RYR1: variants seen among roughly 807,000 people sequenced by gnomAD.
The protein encoded by RYR1 is central core disease of muscle.
RYR1 carries 342 observed loss-of-function variants against 583.5 expected under a neutral mutation model. The observed-to-expected ratio is 0.59, with a 90% confidence interval of 0.54 to 0.64. RYR1 has a LOEUF of 0.64. RYR1 is among the 30% of genes least tolerant of loss of function. The pLI, the probability that RYR1 is intolerant of heterozygous loss-of-function variation, is 0.00. For missense variants in RYR1, 6,032 were observed against 6,917.2 expected, an observed-to-expected ratio of 0.87 and a Z score of 4.54; for synonymous variants, 2,791 against 2,822.5, an observed-to-expected ratio of 0.99 and a Z score of 0.35.
chr19:38,524,315 C>T (rs1193856313), intron 70 of RYR1, among the ~76,000 whole-genome samples: 7 of 102 alleles, frequency 0.069, no homozygotes, highest in Non-Finnish European at 0.11. Context: ...GCACCCTCGC[C>T]GTGGATGGTT....
intron 89 of RYR1, among the ~76,000 whole-genome samples, chr19:38,555,469 A>ATGTGTGTGTGCGCACGTGTGTGTG (rs1568569519): frequency 4.6e-5 from 7 of 150,786 alleles, no homozygotes; most frequent in Non-Finnish European, 1.0e-4. Context: ...AAAAAAATGC[A>ATGTGTGTGTGCGCACGTGTGTGTG]TGTGTGTGTG....
chr19:38,545,219 G>T (rs1972373195), intron 87 of RYR1, among the ~76,000 whole-genome samples: 1 of 152,178 alleles, frequency 6.6e-6, no homozygotes, highest in African/African-American at 2.4e-5. Context: ...GGTAGGGTTA[G>T]CCCCATGTGC....
chr19:38,570,824 G>T, intron 94 of RYR1, 131 bp downstream of exon 94: 1 of 791,854 alleles, frequency 1.3e-6, no homozygotes. Flanking sequence ...CGTTAGGAGG[G>T]TTCAGGCTGG....
At position 38,585,948 on chromosome 19, in the gene RYR1, C is replaced by T. The variant is rs118192159; in HGVS notation, c.14814C>T (p.Ile4938=). The change falls in exon 103 of 106, where the codon ATC becomes ATT. Residue 4938 remains isoleucine, a synonymous_variant. Coordinates refer to ENST00000359596, the MANE Select transcript of RYR1 (RefSeq NM_000540.3). ...GTCCTGCCACCCCAGGTCTGATCAT[C>T]GACGCTTTTGGTGAGCTCCGAGACC... ...ILLAIIQGLI[I]DAFGELRDQQ... 65 of 1,613,874 alleles carry T rather than the reference C, an allele frequency of 4.0e-5. No individual in the cohort carries two copies. The East Asian group carries it at 5.6e-4, about 14-fold the overall frequency.
At chr19:38,580,344 C>G in intron 100 of RYR1, 26 bp from the exon 101 acceptor site, 1 of 1,613,360 alleles carries the variant, frequency 6.2e-7, no homozygotes, top group South Asian at 1.1e-5. Context: ...CAGGGCGGAG[C>G]TGACCTGGCC....
intron 83 of RYR1, chr19:38,537,206 G>A (rs1972010198): frequency 3.9e-6 from 1 of 258,704 alleles, no homozygotes; most frequent in Non-Finnish European, 7.5e-6. Flanking sequence ...GTTGCCTCCG[G>A]CATCCACTCT....
At chr19:38,488,541 A>G (rs1969402766) in intron 34 of RYR1, among the ~76,000 whole-genome samples, 1 of 152,144 alleles carries the variant, frequency 6.6e-6, no homozygotes, top group Non-Finnish European at 1.5e-5. Flanking sequence ...TCCGTCTGTC[A>G]TGCAGGCTGG....
Position 38,505,006 on chromosome 19 carries a change from G to C in RYR1, c.8235G>C (p.Val2745=). 6.2e-7 allele frequency: 1 copy of C among 1,614,158 alleles called. No individual in the cohort carries two copies. Among genetic ancestry groups the C allele is most frequent in the Non-Finnish European group, 8.5e-7 (1 of 1,180,026 alleles). ...GCTGACCCTGTGCCCCCAACAGTGT[G>C]ATCATCCCGGAGAAGCTGGACTCCT... ...FDPRPVETLN[V]IIPEKLDSFI... The change falls in exon 52 of 106, where the codon GTG becomes GTC. Residue 2745 remains valine, a synonymous_variant. Coordinates refer to ENST00000359596, the MANE Select transcript of RYR1 (RefSeq NM_000540.3).
Position 38,433,885 on chromosome 19 carries a change from C to G in RYR1, c.45+11C>G. Reference sequence around the variant, plus strand: ...CAGTTCCTGCGGACGGTGCGTATCTCTGGGTTAGGGGCCTGTGGGGCTATC... The same window carrying G: ...CAGTTCCTGCGGACGGTGCGTATCTGTGGGTTAGGGGCCTGTGGGGCTATC... On this transcript the variant is annotated intron_variant, in intron 1 of 105. Coordinates refer to ENST00000359596, the MANE Select transcript of RYR1 (RefSeq NM_000540.3). The G allele has an allele frequency of 6.2e-7, 1 of 1,612,512 alleles. No homozygotes were observed. The highest frequency in any genetic ancestry group is 8.5e-7 in the Non-Finnish European group (1 of 1,178,600).
Position 38,506,958 on chromosome 19 carries a change from C to T in RYR1, c.8816+6C>T, listed in dbSNP as rs770151836. ...AATGGCTACGCGGTTACAAGGCACG[C>T]GGGTTGGGGCTCCCGCGGAAGAGCA... On this transcript the variant is annotated splice_donor_region_variant and intron_variant, in intron 57 of 105. Transcript: ENST00000359596. The T allele has an allele frequency of 9.9e-6, 16 of 1,612,232 alleles. No homozygotes were observed. The East Asian group carries it at 1.6e-4, about 16-fold the overall frequency.
Position 38,566,835 on chromosome 19 carries a change from AGATG to A in RYR1, c.13438-75_13438-72del. The A allele has an allele frequency of 1.0e-5, 16 of 1,549,654 alleles. 1 individual carries two copies. Among genetic ancestry groups the A allele is most frequent in the Non-Finnish European group, 1.4e-5 (16 of 1,144,658 alleles). Reference sequence around the variant, plus strand: ...ACCCAGGGGAAATAAGAGAGAAAGGAGATGAGAGGAGCAGGCAGGCAGCCTGAGA... The same window carrying A: ...ACCCAGGGGAAATAAGAGAGAAAGGAAGAGGAGCAGGCAGGCAGCCTGAGA... On this transcript the variant is annotated intron_variant, in intron 91 of 105. Transcript: ENST00000359596.
rs765241115 is a variant in RYR1, at chr19:38,464,723, G to T, written c.2870+1G>T. On this transcript the variant is annotated splice_donor_variant, in intron 23 of 105. Transcript: ENST00000359596. LOFTEE classifies it high-confidence loss of function. ...TGAAGAAGACAAAACTCCCCAAGAC[G>T]TGAGTGTGGGCAGCCAGGTCCCGTC... 1 of 1,577,268 alleles carries T rather than the reference G, an allele frequency of 6.3e-7. No homozygotes were observed. Among genetic ancestry groups the T allele is most frequent in the Non-Finnish European group, 8.6e-7 (1 of 1,161,256 alleles).
chr19:38,438,177 T>C, intron 1 of RYR1, among the ~76,000 whole-genome samples: 1 of 151,692 alleles, frequency 6.6e-6, no homozygotes, highest in East Asian at 1.9e-4. Context: ...CTTCTTGTTA[T>C]TTGGACAAGG....
chr19:38,504,361 G>A lies in RYR1; in HGVS notation c.8067+1G>A. ...CATCTTTGACTCTCTGGCCCATAAG[G>A]TCTGGGCAGCAGGGAGCCCCAAAAT... On this transcript the variant is annotated splice_donor_variant, in intron 50 of 105. Transcript: ENST00000359596. LOFTEE classifies it high-confidence loss of function. 6.2e-7 allele frequency: 1 copy of A among 1,614,016 alleles called. No homozygotes were observed. Among genetic ancestry groups the A allele is most frequent in the Non-Finnish European group, 8.5e-7 (1 of 1,179,916 alleles).
At chr19:38,540,142 T>A (rs942193330) in intron 84 of RYR1, among the ~76,000 whole-genome samples, 1 of 152,074 alleles carries the variant, frequency 6.6e-6, no homozygotes, top group Non-Finnish European at 1.5e-5. Context: ...TCAGGGGCTG[T>A]TAAAACCTTC....
Position 38,580,453 on chromosome 19 carries a change from CAA to C in RYR1, c.14596_14597del (p.Lys4866GlufsTer4). The C allele has an allele frequency of 1.2e-6, 2 of 1,614,182 alleles. No individual in the cohort carries two copies. The highest frequency in any genetic ancestry group is 1.7e-6 in the Non-Finnish European group (2 of 1,180,048). ...AFNFFRKFYN[K>X]SEDEDEPDMK... is the part of the protein sequence containing the mutation. Reference sequence around the variant, plus strand: ...TCAACTTCTTCCGCAAGTTCTACAACAAGAGCGAGGATGAGGATGAACCTGAC... The same window carrying C: ...TCAACTTCTTCCGCAAGTTCTACAACGAGCGAGGATGAGGATGAACCTGAC... On this transcript the variant is annotated frameshift_variant, in exon 101 of 106. Coordinates refer to ENST00000359596, the MANE Select transcript of RYR1 (RefSeq NM_000540.3). LOFTEE classifies it high-confidence loss of function.
At chr19:38,508,017 C>T (rs1186190465) in intron 58 of RYR1, among the ~76,000 whole-genome samples, 190 bp downstream of exon 58, 1 of 152,098 alleles carries the variant, frequency 6.6e-6, no homozygotes, top group Non-Finnish European at 1.5e-5. Context: ...CAAATGACCC[C>T]TGCTCTCCTG....
At chr19:38,528,168 G>C in intron 73 of RYR1, 138 bp from the exon 74 acceptor site, 1 of 760,512 alleles carries the variant, frequency 1.3e-6, no homozygotes, top group Non-Finnish European at 2.3e-6. Flanking sequence ...GACTCTGTTG[G>C]TGGAGACAAG....
rs1970039938 is a variant in RYR1 at position 38,500,112 on chromosome 19, A to G, written c.7323+96A>G. 7 of 1,085,540 alleles carry G rather than the reference A, an allele frequency of 6.4e-6. No homozygotes were observed. In the Admixed American group the frequency reaches 1.3e-4, roughly 21 times the overall value. The allele number at this position is 1,085,540 out of a possible 1,614,324, so 67.2% of individuals were successfully genotyped here. A position where few individuals can be genotyped will look rare whatever the true frequency, so the allele number is the denominator to read the frequency against. Reference sequence around the variant, plus strand: ...ACTCGGTGACACGGAGTGAGCTCCCATATGTGGGTGGTCCTGGACTAGCAA... The same window carrying G: ...ACTCGGTGACACGGAGTGAGCTCCCGTATGTGGGTGGTCCTGGACTAGCAA... On this transcript the variant is annotated intron_variant, in intron 45 of 105. Coordinates refer to ENST00000359596, the MANE Select transcript of RYR1 (RefSeq NM_000540.3). The surrounding 1 kb of genome is among the most constrained non-coding windows in gnomAD (Gnocchi z 5.9).
Sources: gnomAD v4.1 joint callset for allele counts (sites outside exome capture counted in the v4.1 genomes callset) on GRCh38, gnomAD v4.1.1 for gene constraint, Gnocchi (gnomAD v3.1) non-coding constraint, MANE v1.5 for transcripts, NCBI Gene and HGNC (gene_info 2026-07-23, HGNC 2026-07-21) for gene names.